The following DCAF13 variants were observed in gnomAD, a reference collection of about 807,000 sequenced individuals.
The protein encoded by DCAF13 is DDB1- and CUL4-associated factor 13.
DCAF13 carries 38 observed loss-of-function variants against 59.0 expected under a neutral mutation model. The ratio of observed to expected loss-of-function variants is 0.64; its 90% CI spans 0.50 to 0.84. DCAF13 has a LOEUF of 0.84. Ranked by LOEUF, DCAF13 falls within the 40% of genes least tolerant of loss-of-function variation. DCAF13 has a pLI of 0.00. For missense variants in DCAF13, 469 were observed against 558.4 expected, an observed-to-expected ratio of 0.84 and a Z score of 1.61; for synonymous variants, 173 against 175.0, an observed-to-expected ratio of 0.99 and a Z score of 0.09.
At chr8:103,426,806 A>T (rs1015583963) in intron 4 of DCAF13, among the ~76,000 whole-genome samples, 1 of 152,058 alleles carries the variant, frequency 6.6e-6, no homozygotes, top group African/African-American at 2.4e-5. Flanking sequence ...TTTAGGTTTC[A>T]AGAAGACTAA....
Position 103,426,156 on chromosome 8 carries a change from A to C in DCAF13, c.468+11A>C, listed in dbSNP as rs1816790639. ...ACAATATTAGGAAAGGTACAAAAGTAAATTGACTAATAGCTTGCCTATTAA... is the reference window on the plus strand; with the variant it reads ...ACAATATTAGGAAAGGTACAAAAGTCAATTGACTAATAGCTTGCCTATTAA... On this transcript the variant is annotated intron_variant, in intron 4 of 10. Transcript: ENST00000612750. 2 of 1,516,214 alleles carry C rather than the reference A, an allele frequency of 1.3e-6. No individual in the cohort carries two copies. Among genetic ancestry groups the C allele is most frequent in the Admixed American group, 1.7e-5 (1 of 58,476 alleles). The allele number at this position is 1,516,214 out of a possible 1,614,324, so 93.9% of individuals were successfully genotyped here.
At position 103,437,518 on chromosome 8, in the gene DCAF13, A is replaced by G. The variant is rs181239259; in HGVS notation, c.950+1728A>G. Among the ~76,000 whole-genome samples the G allele has an allele frequency of 3.0e-3, 455 of 152,282 alleles. 2 individuals carry two copies. The highest frequency in any genetic ancestry group is 9.1e-3 in the African/African-American group (379 of 41,560). On this transcript the variant is annotated intron_variant, in intron 8 of 10. Transcript: ENST00000612750. ...TCCAAAATTGTATAAAAGGGTTCTT[A>G]TATTTCATTTCTAAGAAATTGTCTC...
At chr8:103,429,836 T>TACTG (rs1816838027) in intron 5 of DCAF13, 1 of 152,242 alleles carries the variant, frequency 6.6e-6, no homozygotes, top group Non-Finnish European at 1.5e-5. Context: ...TTGTAGTGTA[T>TACTG]ACTGGTACAG....
chr8:103,432,627 A>T lies in DCAF13; in HGVS notation c.703-32A>T, dbSNP rs754458852. 8 of 1,348,414 alleles carry T rather than the reference A, an allele frequency of 5.9e-6. No homozygotes were observed. In the South Asian group the frequency reaches 8.3e-5, roughly 14 times the overall value. 83.5% of individuals were successfully genotyped at this position (1,348,414 alleles called of 1,614,324 possible). ...CAGTGGGGAAAAGAAAAGGAAAGGA[A>T]GTGGGAAATTCATCCATTCTTCCTT... On this transcript the variant is annotated intron_variant, in intron 6 of 10. Coordinates refer to ENST00000612750, the MANE Select transcript of DCAF13 (RefSeq NM_015420.7).
At position 103,443,028 on chromosome 8, in the gene DCAF13, A is replaced by G; in HGVS notation, c.*146A>G. ...TTGTTACTCCTTTTAGCTACCCTGA[A>G]AAATGATCCTTAAAGGTGGCCTAGT... On this transcript the variant is annotated 3_prime_UTR_variant, in exon 11 of 11. Coordinates refer to ENST00000612750, the MANE Select transcript of DCAF13 (RefSeq NM_015420.7). The G allele has an allele frequency of 1.9e-6, 1 of 523,720 alleles. No individual in the cohort carries two copies. Among genetic ancestry groups the G allele is most frequent in the Non-Finnish European group, 3.3e-6 (1 of 301,102 alleles). The allele number at this position is 523,720 out of a possible 1,614,324, so 32.4% of individuals were successfully genotyped here. A position where few individuals can be genotyped will look rare whatever the true frequency, so the allele number is the denominator to read the frequency against.
intron 10 of DCAF13, chr8:103,442,588 G>T: frequency 2.7e-6 from 1 of 369,748 alleles, no homozygotes; most frequent in Non-Finnish European, 4.8e-6. Flanking sequence ...CTTAGTAAAG[G>T]ACCCTATTAG....
intron 4 of DCAF13, 128 bp downstream of exon 4, chr8:103,426,273 G>A (rs1184710790): frequency 1.9e-6 from 1 of 536,158 alleles, no homozygotes; most frequent in East Asian, 3.2e-5. Context: ...GGCTGTAATT[G>A]TTGACCCATT....
chr8:103,429,253 G>A (rs1423304285), intron 5 of DCAF13: 1 of 152,182 alleles, frequency 6.6e-6, no homozygotes. Context: ...AGCCAAGAAA[G>A]GTTGAGGGAC....
intron 3 of DCAF13, 98 bp from the exon 4 acceptor site, chr8:103,425,958 A>G: frequency 1.3e-6 from 1 of 792,786 alleles, no homozygotes; most frequent in South Asian, 1.4e-5. Flanking sequence ...ATGGTATGTT[A>G]CCTGTTTTAA....
At chr8:103,435,602 A>G (rs1563506116) in intron 7 of DCAF13, 24 bp from the exon 8 acceptor site, 1 of 1,500,774 alleles carries the variant, frequency 6.7e-7, no homozygotes, top group South Asian at 1.3e-5. Context: ...AATATGTGTC[A>G]AATATTTAAA....
At position 103,440,393 on chromosome 8, in the gene DCAF13, T is replaced by TA. The variant is rs58480092; in HGVS notation, c.1086+129dup. 7.0e-4 allele frequency: 580 copies of TA among 832,872 alleles called. 5 individuals carry two copies. Among genetic ancestry groups the TA allele is most frequent in the Non-Finnish European group, 1.4e-4 (82 of 566,378 alleles). 51.6% of individuals were successfully genotyped at this position (832,872 alleles called of 1,614,324 possible). A position where few individuals can be genotyped will look rare whatever the true frequency, so the allele number is the denominator to read the frequency against. ...TTTGATTAAATTGACATAGCTGTGATAAAAAAAGCAATAAATGGACAAGGT... is the reference window on the plus strand; with the variant it reads ...TTTGATTAAATTGACATAGCTGTGATAAAAAAAAGCAATAAATGGACAAGGT... On this transcript the variant is annotated intron_variant, in intron 9 of 10. Transcript: ENST00000612750.
intron 3 of DCAF13, among the ~76,000 whole-genome samples, chr8:103,425,736 T>C (rs947957122): frequency 6.6e-6 from 1 of 152,228 alleles, no homozygotes; most frequent in Non-Finnish European, 1.5e-5. Flanking sequence ...ACTAACCAGA[T>C]ATTATAATAC....
intron 8 of DCAF13, among the ~76,000 whole-genome samples, chr8:103,437,641 A>G (rs2130495450): frequency 6.6e-6 from 1 of 152,084 alleles, no homozygotes; most frequent in Non-Finnish European, 1.5e-5. Context: ...CTTTGCCTTT[A>G]TCTGCTTGAA....
intron 1 of DCAF13, among the ~76,000 whole-genome samples, chr8:103,415,783 C>A (rs1479577277): frequency 2.6e-5 from 4 of 152,152 alleles, no homozygotes; most frequent in Admixed American, 2.0e-4. Flanking sequence ...CCAGCTGCTG[C>A]TCTGGGATTG....
rs1216531202 is a variant in DCAF13, at chr8:103,420,421, A to G, written c.228A>G (p.Pro76=). Residue 76 remains proline (P), a synonymous_variant, in exon 2 of 11, where the codon CCA becomes CCG. Coordinates refer to ENST00000612750, the MANE Select transcript of DCAF13 (RefSeq NM_015420.7). ...GAGTCAATTGCTTGGCAAAGCATCC[A>G]GAGAAGCTGGCTACTGTCCTTTCTG... ...RDGVNCLAKH[P]EKLATVLSGA... 2 of 1,614,100 alleles carry G rather than the reference A, an allele frequency of 1.2e-6. No individual in the cohort carries two copies. Among genetic ancestry groups the G allele is most frequent in the South Asian group, 1.1e-5 (1 of 91,050 alleles).
intron 6 of DCAF13, among the ~76,000 whole-genome samples, chr8:103,432,333 C>T (rs957971562): frequency 2.6e-5 from 4 of 152,126 alleles, no homozygotes; most frequent in African/African-American, 4.8e-5. Flanking sequence ...TTTATGTTAA[C>T]CCTAAGCTCA....
rs1437197171 is a variant in DCAF13, at chr8:103,420,386, C to A, written c.193C>A (p.His65Asn). Residue 65 changes from histidine to asparagine, a missense_variant, in exon 2 of 11, where the codon CAC becomes AAC. His to Asn is a moderately conservative substitution (Grantham distance 68, BLOSUM62 1). Coordinates refer to ENST00000612750, the MANE Select transcript of DCAF13 (RefSeq NM_015420.7). ...AKPFLASLDG[H>N]RDGVNCLAKH... ...ACCATTCCTTGCTTCGCTGGATGGT[C>A]ACCGTGATGGAGTCAATTGCTTGGC... The A allele has an allele frequency of 8.1e-6, 13 of 1,613,978 alleles. No individual in the cohort carries two copies. The Admixed American group carries it at 2.2e-4, about 27-fold the overall frequency.
At chr8:103,416,701 C>G (rs1816620931) in intron 1 of DCAF13, among the ~76,000 whole-genome samples, 1 of 152,194 alleles carries the variant, frequency 6.6e-6, no homozygotes, top group Non-Finnish European at 1.5e-5. Flanking sequence ...GGTTAATAGT[C>G]TTTCCCATCA....
intron 10 of DCAF13, 117 bp downstream of exon 10, chr8:103,441,735 G>T: frequency 1.0e-6 from 1 of 958,686 alleles, no homozygotes; most frequent in Non-Finnish European, 1.6e-6. Context: ...TTAATAGTAT[G>T]TTAGTGATGT....
Sources: gnomAD v4.1 joint callset for allele counts (sites outside exome capture counted in the v4.1 genomes callset) on GRCh38, gnomAD v4.1.1 for gene constraint, MANE v1.5 for transcripts, NCBI Gene and HGNC (gene_info 2026-07-23, HGNC 2026-07-21) for gene names.